Variants in FSTL5 observed in about 807,000 individuals in gnomAD.
FSTL5 encodes follistatin-related protein 5.
FSTL5 carries 62 observed loss-of-function variants against 89.1 expected under a neutral mutation model. That is an observed-to-expected ratio of 0.70 (90% CI 0.57 to 0.86). The LOEUF (loss-of-function observed/expected upper bound fraction) is 0.86, where lower values mean the gene tolerates loss of function less well. FSTL5 is among the 40% of genes least tolerant of loss of function. FSTL5 has a pLI of 0.00. For synonymous variants in FSTL5, 383 were observed against 346.2 expected, an observed-to-expected ratio of 1.11 and a Z score of -1.18; for missense variants, 1,057 against 1,001.6, an observed-to-expected ratio of 1.06 and a Z score of -0.75.
chr4:161,735,490 G>A (rs1034509542), intron 6 of FSTL5, among the ~76,000 whole-genome samples: 2 of 152,074 alleles, frequency 1.3e-5, no homozygotes, highest in African/African-American at 4.8e-5. Flanking sequence ...CTAGGTAAAT[G>A]AAGTTAAATA....
chr4:161,413,112 G>A (rs1341156161), intron 15 of FSTL5, among the ~76,000 whole-genome samples: 2 of 151,696 alleles, frequency 1.3e-5, no homozygotes, highest in Non-Finnish European at 2.9e-5. Context: ...ACTATCAACA[G>A]AACAAATAGA....
At chr4:162,070,171 T>A (rs968715001) in intron 2 of FSTL5, among the ~76,000 whole-genome samples, 19 of 151,942 alleles carry the variant, frequency 1.3e-4, no homozygotes, top group Non-Finnish European at 1.6e-4. Flanking sequence ...TAAATGACTA[T>A]GCAGATCCTT....
intron 6 of FSTL5, among the ~76,000 whole-genome samples, chr4:161,699,217 A>C (rs1738288689): frequency 6.6e-6 from 1 of 152,202 alleles, no homozygotes; most frequent in African/African-American, 2.4e-5. Flanking sequence ...TACGGTCATA[A>C]AAACCAAAAG....
intron 6 of FSTL5, among the ~76,000 whole-genome samples, chr4:161,680,706 T>C (rs956153626): frequency 5.3e-5 from 8 of 151,706 alleles, no homozygotes; most frequent in African/African-American, 1.9e-4. Flanking sequence ...TATAGTAAAA[T>C]ATATTTTTTT....
intron 1 of FSTL5, among the ~76,000 whole-genome samples, chr4:162,151,401 T>C (rs568884143): frequency 6.6e-6 from 1 of 152,176 alleles, no homozygotes; most frequent in African/African-American, 2.4e-5. Flanking sequence ...TTCTGAAGAC[T>C]GATATTCTCT....
rs535634665 is a variant in FSTL5 at position 162,121,190 on chromosome 4, G to A, written c.-16-9778C>T. 2.0e-5 allele frequency among the ~76,000 whole-genome samples: 3 copies of A among 151,888 alleles called. No individual in the cohort carries two copies. The South Asian group carries it at 6.3e-4, about 32-fold the overall frequency. ...TACAGAGATGGTTATATATAGTATA[G>A]CATATATACTTTAAAGCATTTTTGA... On this transcript the variant is annotated intron_variant, in intron 1 of 15. Coordinates refer to ENST00000306100, the MANE Select transcript of FSTL5 (RefSeq NM_020116.5).
chr4:162,072,127 C>T (rs774263882), intron 2 of FSTL5, among the ~76,000 whole-genome samples: 4 of 151,624 alleles, frequency 2.6e-5, no homozygotes, highest in Admixed American at 6.6e-5. Flanking sequence ...AATCAAATGG[C>T]AGGCATATAT....
chr4:161,419,541 C>T (rs536095161), intron 15 of FSTL5, among the ~76,000 whole-genome samples: 210 of 152,274 alleles, frequency 1.4e-3, no homozygotes, highest in African/African-American at 2.6e-4. Context: ...CCTTAGATTT[C>T]GACTTCCACA....
chr4:161,453,871 T>C (rs1578985768), intron 15 of FSTL5, among the ~76,000 whole-genome samples: 1 of 152,136 alleles, frequency 6.6e-6, no homozygotes, highest in African/African-American at 2.4e-5. Flanking sequence ...TGGGATTACA[T>C]GGGAGAGCTA....
intron 8 of FSTL5, among the ~76,000 whole-genome samples, chr4:161,586,599 T>G (rs541666797): frequency 2.6e-4 from 39 of 152,332 alleles, no homozygotes; most frequent in African/African-American, 8.7e-4. Context: ...GACACTAAAA[T>G]AGTCTTTAAA....
chr4:161,720,661 T>G (rs1199050516), intron 6 of FSTL5, among the ~76,000 whole-genome samples: 1 of 152,180 alleles, frequency 6.6e-6, no homozygotes, highest in Admixed American at 6.5e-5. Flanking sequence ...TGTATATTCT[T>G]ACAATGGAAT....
intron 2 of FSTL5, chr4:162,043,403 A>C (rs1738047003): frequency 6.6e-6 from 1 of 152,150 alleles, no homozygotes; most frequent in South Asian, 2.1e-4. Context: ...ATGTGTAAAA[A>C]TCAATGTGCA....
intron 3 of FSTL5, among the ~76,000 whole-genome samples, chr4:161,929,763 CAA>C (rs1240811618): frequency 1.3e-5 from 2 of 150,750 alleles, no homozygotes; most frequent in African/African-American, 4.9e-5. Context: ...GCCCAATACA[CAA>C]AATAATCAAA....
chr4:161,762,228 C>T (rs573380864), intron 5 of FSTL5, among the ~76,000 whole-genome samples: 41 of 152,120 alleles, frequency 2.7e-4, no homozygotes, highest in South Asian at 8.3e-4. Context: ...AGTGCAGTGG[C>T]GCATCTCGGC....
chr4:161,565,238 T>TCATCATCAA (rs1246509069), intron 8 of FSTL5, among the ~76,000 whole-genome samples: 1 of 151,710 alleles, frequency 6.6e-6, no homozygotes, highest in African/African-American at 2.4e-5. Flanking sequence ...ATCATCATCA[T>TCATCATCAA]CATCATCATA....
chr4:161,480,990 TAC>T, intron 13 of FSTL5, 28 bp downstream of exon 13: 2 of 1,491,440 alleles, frequency 1.3e-6, no homozygotes, highest in Non-Finnish European at 1.8e-6. Flanking sequence ...TTTAAAGATT[TAC>T]TTTTTAAAAA....
rs1730785481 is a variant in FSTL5, at chr4:161,515,380, T to C, written c.1313-4956A>G. Among the ~76,000 whole-genome samples the C allele has an allele frequency of 2.0e-5, 3 of 151,964 alleles. No homozygotes were observed. In the South Asian group the frequency reaches 6.2e-4, roughly 31 times the overall value. On this transcript the variant is annotated intron_variant, in intron 10 of 15. Coordinates refer to ENST00000306100, the MANE Select transcript of FSTL5 (RefSeq NM_020116.5). ...ACCCAGCTATTTTTTGTTGTTGTTG[T>C]ATTTTTAGTAGAGATGGCATTTCAC...
chr4:162,057,115 C>G (rs1219100383), intron 2 of FSTL5, among the ~76,000 whole-genome samples: 2 of 152,194 alleles, frequency 1.3e-5, no homozygotes, highest in East Asian at 3.9e-4. Context: ...CCAGCTGGAG[C>G]GTGTGGCCCA....
intron 2 of FSTL5, among the ~76,000 whole-genome samples, chr4:162,075,674 C>T (rs531965449): frequency 6.6e-6 from 1 of 152,018 alleles, no homozygotes; most frequent in East Asian, 1.9e-4. Context: ...AGGCAAATGA[C>T]TCTATTACTA....
Sources: gnomAD v4.1 joint callset for allele counts (sites outside exome capture counted in the v4.1 genomes callset) on GRCh38, gnomAD v4.1.1 for gene constraint, MANE v1.5 for transcripts, NCBI Gene and HGNC (gene_info 2026-07-23, HGNC 2026-07-21) for gene names.